Variants in KIAA1549 observed in about 807,000 individuals in gnomAD.
The protein encoded by KIAA1549 is KIAA1549.
In KIAA1549, 70 loss-of-function variants were observed where a neutral mutation model predicts 156.4. The ratio of observed to expected loss-of-function variants is 0.45; its 90% confidence interval spans 0.37 to 0.55. KIAA1549 has a LOEUF of 0.55. Ranked by LOEUF, KIAA1549 falls within the 20% of genes least tolerant of loss-of-function variation. The pLI, the probability that KIAA1549 is intolerant of heterozygous loss-of-function variation, is 0.00. For synonymous variants in KIAA1549, 1,103 were observed against 1,066.4 expected (o/e 1.03, Z -0.67); for missense variants, 2,428 against 2,540.9 (o/e 0.96, Z 0.96).
chr7:138,873,725 G>C (rs1296014704), intron 12 of KIAA1549, among the ~76,000 whole-genome samples: 2 of 151,632 alleles, frequency 1.3e-5, no homozygotes, highest in East Asian at 1.9e-4. Flanking sequence ...CTGTAGTCAC[G>C]GCCCTTGCTT....
At chr7:138,891,234 G>A (rs764331868) in intron 10 of KIAA1549, among the ~76,000 whole-genome samples, 9 of 152,266 alleles carry the variant, frequency 5.9e-5, no homozygotes, top group Non-Finnish European at 1.0e-4. Flanking sequence ...TGTTTGGTGA[G>A]TGACACCCAG....
chr7:138,944,913 C>A (rs1000386592), intron 1 of KIAA1549, among the ~76,000 whole-genome samples: 1 of 152,208 alleles, frequency 6.6e-6, no homozygotes, highest in African/African-American at 2.4e-5. Flanking sequence ...CTGTCCACTG[C>A]CCACTGTCCA....
intron 1 of KIAA1549, among the ~76,000 whole-genome samples, chr7:138,976,666 T>C (rs1037137370): frequency 3.9e-5 from 6 of 152,256 alleles, no homozygotes; most frequent in Admixed American, 2.0e-4. Flanking sequence ...ACTTCAGTAC[T>C]ACCCAAAGTT....
intron 4 of KIAA1549, among the ~76,000 whole-genome samples, chr7:138,910,700 A>ATTTTTTTTTTTTTTTTT (rs10686011): frequency 8.9e-6 from 1 of 112,028 alleles, no homozygotes; most frequent in African/African-American, 3.8e-5. Context: ...ACTTGGTCTA[A>ATTTTTTTTTTTTTTTTT]TTTTTTTTTT....
Position 138,916,997 on chromosome 7 carries a change from G to A in KIAA1549, c.2629C>T (p.Leu877=). ...GTGCTCACTTCCGTGGAGGTGTTCA[G>A]TGGCACCTCTGTGGGTGTGAGTGAT... ...GPSLTPTEVP[L]NTSTEVSTTS... The change falls in exon 2 of 20, where the codon CTG becomes TTG. Residue 877 remains leucine, a synonymous_variant. Transcript: ENST00000422774. 1.2e-6 allele frequency: 2 copies of A among 1,600,652 alleles called. No individual in the cohort carries two copies. Among genetic ancestry groups the A allele is most frequent in the South Asian group, 2.3e-5 (2 of 87,954 alleles).
chr7:138,975,273 T>C (rs901680968), intron 1 of KIAA1549, among the ~76,000 whole-genome samples: 2 of 152,126 alleles, frequency 1.3e-5, no homozygotes, highest in Admixed American at 6.5e-5. Flanking sequence ...AAGCAAAGTA[T>C]GGGTCTTGAG....
intron 16 of KIAA1549, among the ~76,000 whole-genome samples, chr7:138,857,536 G>T (rs1292919710): frequency 6.6e-6 from 1 of 152,178 alleles, no homozygotes; most frequent in Non-Finnish European, 1.5e-5. Context: ...TTTCAAAGTG[G>T]TTGTGCTATT....
At chr7:138,882,353 T>C (rs1811269216) in intron 10 of KIAA1549, among the ~76,000 whole-genome samples, 1 of 152,242 alleles carries the variant, frequency 6.6e-6, no homozygotes, top group South Asian at 2.1e-4. Context: ...GGACGTGAAT[T>C]TCACGTGAAG....
intron 1 of KIAA1549, among the ~76,000 whole-genome samples, chr7:138,960,837 G>A (rs1373423437): frequency 4.6e-5 from 7 of 152,136 alleles, no homozygotes; most frequent in Admixed American, 6.5e-5. Context: ...GGTGTCTTCC[G>A]GATTTTCCAA....
intron 12 of KIAA1549, among the ~76,000 whole-genome samples, chr7:138,875,035 T>G (rs2130392778): frequency 1.3e-5 from 2 of 149,992 alleles, no homozygotes; most frequent in South Asian, 4.3e-4. Context: ...AGAGGAGGAA[T>G]GGGTTGAGCA....
intron 15 of KIAA1549, among the ~76,000 whole-genome samples, chr7:138,867,567 T>TA (rs1270249876): frequency 8.7e-5 from 5 of 57,236 alleles, no homozygotes; most frequent in African/African-American, 5.1e-4. Flanking sequence ...AAAAAAAAAA[T>TA]AATAAAAATA....
In KIAA1549 at chr7:138,934,406, T is replaced by TAA. The variant is rs763597989; in HGVS notation, c.188-14970_188-14969dup. Among the ~76,000 whole-genome samples, 294 of 109,306 alleles carry TAA rather than the reference T, an allele frequency of 2.7e-3. 2 individuals are homozygous for TAA. Among genetic ancestry groups the TAA allele is most frequent in the African/African-American group, 9.0e-3 (268 of 29,850 alleles). 71.7% of individuals were successfully genotyped at this position (109,306 alleles called of 152,430 possible). ...CCTCTCTGAATACAGTATTTGCTAC[T>TAA]AAAAAAAAAAAAAAAAACAAGTCCA... is the stretch of plus-strand genomic sequence containing the variant. On this transcript the variant is annotated intron_variant, in intron 1 of 19. Transcript: ENST00000422774.
chr7:138,894,665 A>G, intron 9 of KIAA1549, 139 bp from the exon 10 acceptor site: 1 of 737,110 alleles, frequency 1.4e-6, no homozygotes, highest in Non-Finnish European at 2.2e-6. Flanking sequence ...TCTCCTGATG[A>G]CAGGAAATGT....
intron 1 of KIAA1549, among the ~76,000 whole-genome samples, chr7:138,960,221 A>C (rs969431161): frequency 2.0e-5 from 3 of 152,130 alleles, no homozygotes; most frequent in Admixed American, 1.3e-4. Flanking sequence ...GGATCACTTG[A>C]GGCCAGGAGT....
chr7:138,838,403 AAGG>A lies in KIAA1549; in HGVS notation c.5599-246_5599-244del, dbSNP rs755161533. On this transcript the variant is annotated intron_variant, in intron 19 of 19. Transcript: ENST00000422774. ...AAGGTCGGGTGATATCTGAGAGCTG[AAGG>A]AGGTTAAGCGGATCCATGCCAGGCT... is the stretch of plus-strand genomic sequence containing the variant. Among the ~76,000 whole-genome samples the A allele has an allele frequency of 6.3e-3, 957 of 152,190 alleles. 4 individuals are homozygous for A. The highest frequency in any genetic ancestry group is 0.02 in the Middle Eastern group (6 of 294).
At chr7:138,906,097 C>T (rs1811999017) in intron 6 of KIAA1549, among the ~76,000 whole-genome samples, 1 of 152,154 alleles carries the variant, frequency 6.6e-6, no homozygotes, top group Non-Finnish European at 1.5e-5. Flanking sequence ...AAGTCAGGCA[C>T]GGTGGGTGAG....
intron 12 of KIAA1549, among the ~76,000 whole-genome samples, chr7:138,871,870 A>C (rs927083035): frequency 6.6e-6 from 1 of 152,286 alleles, no homozygotes; most frequent in Non-Finnish European, 1.5e-5. Context: ...ACCAGTTAAC[A>C]GTGACCACAC....
At chr7:138,929,115 T>C (rs772742654) in intron 1 of KIAA1549, among the ~76,000 whole-genome samples, 3 of 152,238 alleles carry the variant, frequency 2.0e-5, no homozygotes, top group Non-Finnish European at 4.4e-5. Flanking sequence ...CATCAATTGA[T>C]GCTTCATTTC....
rs560464654 is a variant in KIAA1549, at chr7:138,861,295, G to A, written c.5091C>T (p.Leu1697=). ...MHSLLDDAFA[L]VAPSSQPAST... ...TGGCAGGCTGGCTGCTGGGGGCCAC[G>A]AGGGCAAAGGCGTCGTCCAGGAGGG... The change falls in exon 16 of 20, where the codon CTC becomes CTT. Residue 1697 remains leucine, a synonymous_variant. Transcript: ENST00000422774. The A allele has an allele frequency of 1.7e-5, 27 of 1,608,302 alleles. No individual in the cohort carries two copies. The highest frequency in any genetic ancestry group is 6.6e-5 in the South Asian group (6 of 90,428).
Sources: allele counts gnomAD v4.1 joint callset (sites outside exome capture counted in the v4.1 genomes callset), GRCh38; gene constraint gnomAD v4.1.1; transcripts MANE v1.5; gene names NCBI Gene and HGNC (gene_info 2026-07-23, HGNC 2026-07-21).